Variants in GNL2 observed in about 807,000 individuals in gnomAD.
GNL2 encodes the protein nucleolar GTP-binding protein 2.
A neutral mutation model predicts 92.3 loss-of-function variants in GNL2; 51 were observed. The ratio of observed to expected loss-of-function variants is 0.55; its 90% confidence interval spans 0.44 to 0.70. The LOEUF is 0.70. GNL2 is among the 30% of genes least tolerant of loss of function. GNL2 has a pLI of 0.00. For synonymous variants in GNL2, 283 were observed against 300.6 expected (o/e 0.94, Z 0.61); for missense variants, 844 against 895.6 (o/e 0.94, Z 0.74).
At chr1:37,591,613 C>A (rs1294675837) in intron 3 of GNL2, among the ~76,000 whole-genome samples, 1 of 149,772 alleles carries the variant, frequency 6.7e-6, no homozygotes, top group Non-Finnish European at 1.5e-5. Context: ...TCAAGGGATT[C>A]TCCTGCCCCA....
intron 4 of GNL2, 136 bp downstream of exon 4, chr1:37,590,570 G>A (rs1040177968): frequency 2.4e-5 from 17 of 694,530 alleles, no homozygotes; most frequent in African/African-American, 2.0e-4. Flanking sequence ...GGTGAAAAGA[G>A]AGGTCTTAGA....
Position 37,567,901 on chromosome 1 carries a change from C to A in GNL2, c.1952-137G>T. 4 of 670,350 alleles carry A rather than the reference C, an allele frequency of 6.0e-6. No individual in the cohort carries two copies. In the South Asian group the frequency reaches 7.0e-5, roughly 12 times the overall value. The allele number at this position is 670,350 out of a possible 1,614,324, so 41.5% of individuals were successfully genotyped here. On this transcript the variant is annotated intron_variant, in intron 14 of 15. Transcript: ENST00000373062. ...CAGGTGAGCACAGTGGTGAGTAAAG[C>A]AGGCCAAGGGGAGGCTGCCAGGTAA...
rs1262991876 is a variant in GNL2, at chr1:37,582,919, A to G, written c.654T>C (p.Asp218=). 18 of 1,611,926 alleles carry G rather than the reference A, an allele frequency of 1.1e-5. No individual in the cohort carries two copies. The highest frequency in any genetic ancestry group is 1.4e-5 in the Non-Finnish European group (17 of 1,178,860). Residue 218 remains aspartate (D), a synonymous_variant, in exon 7 of 16, where the codon GAT becomes GAC. Coordinates refer to ENST00000373062, the MANE Select transcript of GNL2 (RefSeq NM_013285.3). ...TAGCATCAAGAACTTGAACTACAAC[A>G]TCTGATGAATCTATCACCTGAAAAT... The part of the protein sequence containing the change: ...GELYKVIDSS[D]VVVQVLDARD...
intron 2 of GNL2, among the ~76,000 whole-genome samples, 158 bp from the exon 3 acceptor site, chr1:37,592,964 G>C (rs1643896812): frequency 6.6e-6 from 1 of 152,110 alleles, no homozygotes. Flanking sequence ...TTCTACATTT[G>C]AAACAGATTG....
Position 37,569,206 on chromosome 1 carries a change from T to A in GNL2, c.1513A>T (p.Ile505Phe). The change falls in exon 13 of 16, where the codon ATC (isoleucine) becomes TTC (phenylalanine). Residue 505 changes from isoleucine (I) to phenylalanine (F), a missense_variant. Coordinates refer to ENST00000373062, the MANE Select transcript of GNL2 (RefSeq NM_013285.3). ...TTCTCTTCTGTTTCTTCCTTAATGATGGATTCTGACCCTTCACCTGCAGTT... is the reference window on the plus strand; with the variant it reads ...TTCTCTTCTGTTTCTTCCTTAATGAAGGATTCTGACCCTTCACCTGCAGTT... Reference protein sequence around the residue: ...TETAGEGSESIIKEETEENSH... With the variant: ...TETAGEGSESFIKEETEENSH... 1 of 1,614,030 alleles carries A rather than the reference T, an allele frequency of 6.2e-7. No individual in the cohort carries two copies. Among genetic ancestry groups the A allele is most frequent in the Non-Finnish European group, 8.5e-7 (1 of 1,179,890 alleles).
intron 8 of GNL2, among the ~76,000 whole-genome samples, chr1:37,577,376 G>A (rs146877987): frequency 3.3e-5 from 5 of 152,274 alleles, no homozygotes; most frequent in African/African-American, 7.2e-5. Context: ...CAAGAAGAGG[G>A]CCTACAAACG....
At chr1:37,574,140 C>T (rs1053051535) in intron 12 of GNL2, among the ~76,000 whole-genome samples, 9 of 152,172 alleles carry the variant, frequency 5.9e-5, no homozygotes, top group Admixed American at 5.9e-4. Context: ...ATCCACCTAC[C>T]TCGGCCTCCC....
intron 4 of GNL2, among the ~76,000 whole-genome samples, chr1:37,587,991 T>G (rs1402772773): frequency 2.0e-5 from 3 of 152,236 alleles, no homozygotes; most frequent in African/African-American, 7.2e-5. Context: ...TGGAAGTTAA[T>G]TTCTTTCATG....
rs1253931052 is a variant in GNL2, at chr1:37,569,063, C to T, written c.1656G>A (p.Val552=). 6.2e-7 allele frequency: 1 copy of T among 1,614,186 alleles called. No homozygotes were observed. Among genetic ancestry groups the T allele is most frequent in the Non-Finnish European group, 8.5e-7 (1 of 1,180,024 alleles). Residue 552 remains valine, a synonymous_variant, in exon 13 of 16, where the codon GTG becomes GTA. Coordinates refer to ENST00000373062, the MANE Select transcript of GNL2 (RefSeq NM_013285.3). The part of the protein sequence containing the change: ...FSGDDLVPVE[V]SDLEEELESF... ...TCTCAAGCTCTTCCTCAAGATCTGACACCTCCACAGGAACCAGGTCATCCC... is the reference window on the plus strand; with the variant it reads ...TCTCAAGCTCTTCCTCAAGATCTGATACCTCCACAGGAACCAGGTCATCCC...
At chr1:37,581,235 G>A (rs914581548) in intron 8 of GNL2, 1 of 397,152 alleles carries the variant, frequency 2.5e-6, no homozygotes, top group African/African-American at 2.1e-5. Context: ...ATGGCTATTG[G>A]AAGCATTTGC....
chr1:37,585,098 C>T (rs1420005621), intron 5 of GNL2, among the ~76,000 whole-genome samples: 2 of 2,480 alleles, frequency 8.1e-4, no homozygotes, highest in Admixed American at 4.8e-3. Context: ...CTCGCTCTGT[C>T]GCCCAGGCTG....
intron 8 of GNL2, among the ~76,000 whole-genome samples, chr1:37,581,142 T>C (rs531430407): frequency 1.7e-4 from 26 of 152,028 alleles, no homozygotes; most frequent in African/African-American, 6.3e-4. Context: ...TTAATAAGCA[T>C]CTTAAACTGG....
intron 5 of GNL2, among the ~76,000 whole-genome samples, chr1:37,585,731 T>C (rs1270001355): frequency 2.0e-5 from 3 of 152,130 alleles, no homozygotes; most frequent in Admixed American, 1.3e-4. Flanking sequence ...GGCTTGACAT[T>C]TTATCTCTAG....
Position 37,587,474 on chromosome 1 carries a change from C to G in GNL2, c.406G>C (p.Asp136His), listed in dbSNP as rs370115718. The G allele has an allele frequency of 5.0e-6, 8 of 1,611,270 alleles. No homozygotes were observed. The highest frequency in any genetic ancestry group is 6.8e-6 in the Non-Finnish European group (8 of 1,178,010). The change falls in exon 5 of 16, where the codon GAT (aspartate) becomes CAT (histidine). Residue 136 changes from aspartate to histidine, a missense_variant. Physicochemically the swap from Asp to His is moderately conservative, Grantham distance 81. Transcript: ENST00000373062. ...AATGTAGTTTCAAAACTTTCAGTAT[C>G]AAGAATGTGCACCTTCAAGTTCTGA... is the stretch of plus-strand genomic sequence containing the variant. ...RPHNLKVHILDTESFETTFGP... is the reference protein window; with the variant it reads ...RPHNLKVHILHTESFETTFGP...
intron 11 of GNL2, 59 bp from the exon 12 acceptor site, chr1:37,574,515 T>C (rs2148131263): frequency 2.7e-6 from 4 of 1,470,932 alleles, no homozygotes; most frequent in African/African-American, 2.8e-5. Flanking sequence ...ACCTACCACT[T>C]TGGGGGTATT....
In GNL2 at chr1:37,582,207, G is replaced by A. The variant is rs60523417; in HGVS notation, c.909+16C>T. On this transcript the variant is annotated intron_variant, in intron 8 of 15. Coordinates refer to ENST00000373062, the MANE Select transcript of GNL2 (RefSeq NM_013285.3). Reference sequence around the variant, plus strand: ...CAGCTACACAACTCCAGGAGAAACAGATCAGGGCTCAATACCTTTCCAAAC... The same window carrying A: ...CAGCTACACAACTCCAGGAGAAACAAATCAGGGCTCAATACCTTTCCAAAC... 5 of 1,527,004 alleles carry A rather than the reference G, an allele frequency of 3.3e-6. No homozygotes were observed. In the African/African-American group the frequency reaches 5.5e-5, roughly 17 times the overall value. The allele number at this position is 1,527,004 out of a possible 1,614,324, so 94.6% of individuals were successfully genotyped here.
rs1643920826 is a variant in GNL2, at chr1:37,595,884, T to A, written c.-62A>T. 6.9e-7 allele frequency: 1 copy of A among 1,454,088 alleles called. No homozygotes were observed. Among genetic ancestry groups the A allele is most frequent in the Admixed American group, 1.7e-5 (1 of 59,530 alleles). The allele number at this position is 1,454,088 out of a possible 1,614,324, so 90.1% of individuals were successfully genotyped here. ...GCTTACGTGGTGAAACAAACTTTTA[T>A]GTTCCCAAGCCCGGCCGAAGACACC... On this transcript the variant is annotated 5_prime_UTR_variant, in exon 1 of 16. Transcript: ENST00000373062.
intron 10 of GNL2, 23 bp from the exon 11 acceptor site, chr1:37,574,846 T>A: frequency 6.3e-7 from 1 of 1,578,226 alleles, no homozygotes; most frequent in Non-Finnish European, 8.7e-7. Context: ...AGGAAATCTC[T>A]CACTTACAAA....
intron 12 of GNL2, 123 bp from the exon 13 acceptor site, chr1:37,569,425 C>T (rs1438112146): frequency 4.7e-6 from 3 of 640,924 alleles, no homozygotes; most frequent in Non-Finnish European, 5.4e-6. Flanking sequence ...TTGAAAACAC[C>T]CAAATTTGAG....
Sources: gnomAD v4.1 joint callset for allele counts (sites outside exome capture counted in the v4.1 genomes callset) on GRCh38, gnomAD v4.1.1 for gene constraint, MANE v1.5 for transcripts, NCBI Gene and HGNC (gene_info 2026-07-23, HGNC 2026-07-21) for gene names.